LPCAT2: variants seen among roughly 807,000 people sequenced by gnomAD.
LPCAT2 encodes lysophosphatidylcholine acyltransferase 2, also known as 1-AGP acyltransferase 11.
A neutral mutation model predicts 64.7 loss-of-function variants in LPCAT2; 58 were observed. The ratio of observed to expected loss-of-function variants is 0.90; its 90% CI spans 0.73 to 1.12. The LOEUF (loss-of-function observed/expected upper bound fraction) is 1.12. Among genes scored for constraint, LPCAT2 ranks in the 50% most tolerant of loss-of-function variants. LPCAT2 has a pLI of 0.00. For synonymous variants in LPCAT2, 252 were observed against 245.3 expected (o/e 1.03, Z -0.26); for missense variants, 579 against 669.8 (o/e 0.86, Z 1.50).
chr16:55,555,438 G>A (rs1277546629), intron 11 of LPCAT2, among the ~76,000 whole-genome samples: 1 of 152,156 alleles, frequency 6.6e-6, no homozygotes, highest in African/African-American at 2.4e-5. Context: ...AGTTATAGTC[G>A]AGAATGATAG....
intron 8 of LPCAT2, among the ~76,000 whole-genome samples, chr16:55,544,410 C>T (rs960437033): frequency 3.9e-5 from 6 of 152,174 alleles, no homozygotes; most frequent in African/African-American, 9.7e-5. Flanking sequence ...GTGGATTTAG[C>T]TCACTGTTTC....
Position 55,580,780 on chromosome 16 carries a change from G to C in LPCAT2, c.1450+1536G>C, listed in dbSNP as rs191234870. Among the ~76,000 whole-genome samples, 118 of 152,258 alleles carry C rather than the reference G, an allele frequency of 7.7e-4. 2 individuals carry two copies. In the East Asian group the frequency reaches 0.018, roughly 23 times the overall value. On this transcript the variant is annotated intron_variant, in intron 13 of 13. Coordinates refer to ENST00000262134, the MANE Select transcript of LPCAT2 (RefSeq NM_017839.5). ...GAGTGGCAGGCGAGTGAGCATTAGA[G>C]CCTGAACTCCGCCTCCTATCTGATC...
chr16:55,564,005 T>C (rs1459472251), intron 11 of LPCAT2, among the ~76,000 whole-genome samples: 5 of 151,868 alleles, frequency 3.3e-5, no homozygotes, highest in Non-Finnish European at 7.4e-5. Flanking sequence ...GACTTAGCAA[T>C]GTTACAGGAT....
intron 11 of LPCAT2, among the ~76,000 whole-genome samples, chr16:55,563,192 T>C (rs1365100465): frequency 1.3e-5 from 2 of 151,762 alleles, no homozygotes; most frequent in Admixed American, 1.3e-4. Context: ...GTAAAACATA[T>C]GAATAGACCT....
At chr16:55,578,917 G>GT in intron 12 of LPCAT2, 192 bp from the exon 13 acceptor site, 1 of 584,952 alleles carries the variant, frequency 1.7e-6, no homozygotes, top group Non-Finnish European at 3.0e-6. Flanking sequence ...TATAGCTCCT[G>GT]TTTTAATCCT....
chr16:55,509,728 A>G (rs2859482), intron 1 of LPCAT2, among the ~76,000 whole-genome samples: 19,909 of 152,022 alleles, frequency 0.13, 1,626 homozygotes, highest in South Asian at 0.31. Context: ...GTGAGCCTGA[A>G]AGGGGCGGAG....
chr16:55,581,961 C>T (rs1264533607), intron 13 of LPCAT2, among the ~76,000 whole-genome samples: 1 of 152,168 alleles, frequency 6.6e-6, no homozygotes, highest in African/African-American at 2.4e-5. Flanking sequence ...ATATTGTACA[C>T]TTTCCTATCC....
Position 55,534,486 on chromosome 16 carries a change from C to G in LPCAT2, c.797+9C>G, listed in dbSNP as rs746175258. ...TGGCAAGGATATACATTGTAAGTCA[C>G]TTATGTCTATTATTAGTTTATATAA... On this transcript the variant is annotated intron_variant, in intron 7 of 13. Coordinates refer to ENST00000262134, the MANE Select transcript of LPCAT2 (RefSeq NM_017839.5). 5.1e-6 allele frequency: 7 copies of G among 1,374,854 alleles called. No homozygotes were observed. 85.2% of individuals were successfully genotyped at this position (1,374,854 alleles called of 1,614,324 possible).
intron 5 of LPCAT2, 71 bp downstream of exon 5, chr16:55,532,045 C>A: frequency 2.1e-6 from 2 of 961,518 alleles, no homozygotes; most frequent in Non-Finnish European, 3.3e-6. Context: ...TATAGAAATA[C>A]ACAAAATAAC....
At chr16:55,559,439 G>T (rs1290605646) in intron 11 of LPCAT2, among the ~76,000 whole-genome samples, 1 of 152,024 alleles carries the variant, frequency 6.6e-6, no homozygotes, top group Non-Finnish European at 1.5e-5. Context: ...TTTCCTGTCT[G>T]CCCTGTTCTT....
intron 11 of LPCAT2, among the ~76,000 whole-genome samples, chr16:55,560,936 C>A (rs560546549): frequency 6.6e-6 from 1 of 152,128 alleles, no homozygotes; most frequent in Admixed American, 6.6e-5. Context: ...ATTCCCATCA[C>A]CCCAGTATGA....
intron 11 of LPCAT2, among the ~76,000 whole-genome samples, chr16:55,554,431 A>G (rs917435979): frequency 6.6e-6 from 1 of 152,026 alleles, no homozygotes; most frequent in African/African-American, 2.4e-5. Context: ...TCATGAACCA[A>G]CCTCTGCTAG....
At chr16:55,567,438 A>G (rs1167605169) in intron 11 of LPCAT2, 11 of 1,612,564 alleles carry the variant, frequency 6.8e-6, no homozygotes, top group Non-Finnish European at 9.3e-6. Flanking sequence ...GTCTCTGGAT[A>G]GAGATAGAGA....
At chr16:55,576,364 C>T (rs1963828007) in intron 12 of LPCAT2, among the ~76,000 whole-genome samples, 2 of 152,024 alleles carry the variant, frequency 1.3e-5, no homozygotes, top group South Asian at 4.1e-4. Flanking sequence ...CAGTTAATTT[C>T]CCATCTTTTA....
At chr16:55,559,933 T>C (rs925556012) in intron 11 of LPCAT2, among the ~76,000 whole-genome samples, 1 of 152,198 alleles carries the variant, frequency 6.6e-6, no homozygotes, top group Middle Eastern at 3.2e-3. Flanking sequence ...GTATTTTCTA[T>C]GTCTGAGTGT....
chr16:55,554,001 A>G (rs1963547369), intron 11 of LPCAT2, among the ~76,000 whole-genome samples: 1 of 152,224 alleles, frequency 6.6e-6, no homozygotes, highest in African/African-American at 2.4e-5. Context: ...TTTCCTGAGC[A>G]GTAGGTCTCA....
chr16:55,567,148 T>G, intron 11 of LPCAT2: 1 of 1,613,898 alleles, frequency 6.2e-7, no homozygotes, highest in South Asian at 1.1e-5. Flanking sequence ...GTGTCTGTCA[T>G]GGACAGTGAC....
At chr16:55,533,505 G>A (rs1226679417) in intron 6 of LPCAT2, among the ~76,000 whole-genome samples, 1 of 148,204 alleles carries the variant, frequency 6.7e-6, no homozygotes, top group Non-Finnish European at 1.5e-5. Flanking sequence ...CCGCTTCCTG[G>A]GTTCAAGTGA....
rs765074987 is a variant in LPCAT2, at chr16:55,531,915, T to C, written c.644T>C (p.Ile215Thr). 40 of 1,572,568 alleles carry C rather than the reference T, an allele frequency of 2.5e-5. No homozygotes were observed. The highest frequency in any genetic ancestry group is 1.7e-4 in the Middle Eastern group (1 of 5,992). ...TAAATCTATTCCTTTTTTCCCAAGA[T>C]ACTAGTTTTCCCAGAAGGTACTTGT... ...RTTSGGEWPQ[I>T]LVFPEGTCTN... is the part of the protein sequence containing the mutation. The change falls in exon 5 of 14, where the codon ATA (isoleucine) becomes ACA (threonine). Residue 215 changes from isoleucine to threonine, a missense_variant and splice_region_variant. Transcript: ENST00000262134.
Sources: gnomAD v4.1 joint callset for allele counts (sites outside exome capture counted in the v4.1 genomes callset) on GRCh38, gnomAD v4.1.1 for gene constraint, MANE v1.5 for transcripts, NCBI Gene and HGNC (gene_info 2026-07-23, HGNC 2026-07-21) for gene names.